Variants in RBM28 observed in about 807,000 individuals in gnomAD.
RBM28 encodes the protein RNA binding motif protein 28.
A neutral mutation model predicts 98.3 loss-of-function variants in RBM28; 78 were observed. That is an observed-to-expected ratio of 0.79 (90% CI 0.66 to 0.96). RBM28 has a LOEUF of 0.96. Ranked by LOEUF, RBM28 falls within the 40% of genes least tolerant of loss-of-function variation. RBM28 has a pLI of 0.00. For missense variants in RBM28, 838 were observed against 913.0 expected, an observed-to-expected ratio of 0.92 and a Z score of 1.06; for synonymous variants, 306 against 330.9, an observed-to-expected ratio of 0.92 and a Z score of 0.82.
chr7:128,329,888 C>CAAAAAAAAAAAAAAAAAAAAAAA (rs398006204), intron 10 of RBM28, among the ~76,000 whole-genome samples: 1 of 101,620 alleles, frequency 9.8e-6, no homozygotes, highest in African/African-American at 4.2e-5. Context: ...GACTCCGTCT[C>CAAAAAAAAAAAAAAAAAAAAAAA]AAAAAAAAAA....
In RBM28 at chr7:128,343,666, C is replaced by G. The variant is rs1466626809; in HGVS notation, c.118+10G>C. ...AACCCCAGCCCTATCCTCGACCGCC[C>G]CGCCCCTACCTTTTTCAGTCACCAC... On this transcript the variant is annotated intron_variant, in intron 1 of 18. Coordinates refer to ENST00000223073, the MANE Select transcript of RBM28 (RefSeq NM_018077.3). The G allele has an allele frequency of 6.3e-7, 1 of 1,599,536 alleles. No homozygotes were observed. Among genetic ancestry groups the G allele is most frequent in the East Asian group, 2.3e-5 (1 of 43,688 alleles).
Position 128,300,693 on chromosome 7 carries a change from G to C in RBM28, c.*10104C>G, listed in dbSNP as rs1381066672. The C allele has an allele frequency of 1.3e-5, 2 of 152,262 alleles. No individual in the cohort carries two copies. Among genetic ancestry groups the C allele is most frequent in the Non-Finnish European group, 2.9e-5 (2 of 68,066 alleles). The allele number at this position is 152,262 out of a possible 1,614,324, so 9.4% of individuals were successfully genotyped here. ...GGGCTGTTCCCTGAGAGCAAAATTG[G>C]CAAGTGGGTCTCACCTCCCATGCTG... On this transcript the variant is annotated 3_prime_UTR_variant, in exon 19 of 19. Coordinates refer to ENST00000223073, the MANE Select transcript of RBM28 (RefSeq NM_018077.3).
At chr7:128,317,931 A>C in intron 15 of RBM28, 26 bp downstream of exon 15, 1 of 1,613,582 alleles carries the variant, frequency 6.2e-7, no homozygotes. Flanking sequence ...CTAAGGGAAC[A>C]AGTCTCCCCA....
Position 128,343,872 on chromosome 7 carries a change from G to A in RBM28, c.-79C>T, listed in dbSNP as rs1796787178. 3 of 997,704 alleles carry A rather than the reference G, an allele frequency of 3.0e-6. No individual in the cohort carries two copies. In the South Asian group the frequency reaches 4.9e-5, roughly 16 times the overall value. 61.8% of individuals were successfully genotyped at this position (997,704 alleles called of 1,614,324 possible). On this transcript the variant is annotated 5_prime_UTR_variant, in exon 1 of 19. Coordinates refer to ENST00000223073, the MANE Select transcript of RBM28 (RefSeq NM_018077.3). ...GCGAGCCGAAACGCTGGCTTTGGTA[G>A]GACAACCAAGCTCACACGCCGAGAG...
intron 18 of RBM28, among the ~76,000 whole-genome samples, chr7:128,311,348 C>T: frequency 6.6e-6 from 1 of 152,172 alleles, no homozygotes; most frequent in East Asian, 1.9e-4. Context: ...TTCCCAGACA[C>T]AGATTTCTTG....
At position 128,343,895 on chromosome 7, in the gene RBM28, G is replaced by T. The variant is rs1020041704; in HGVS notation, c.-102C>A. The T allele has an allele frequency of 5.3e-6, 4 of 760,016 alleles. No individual in the cohort carries two copies. The highest frequency in any genetic ancestry group is 8.3e-6 in the Non-Finnish European group (4 of 484,366). The allele number at this position is 760,016 out of a possible 1,614,324, so 47.1% of individuals were successfully genotyped here. A position where few individuals can be genotyped will look rare whatever the true frequency, so the allele number is the denominator to read the frequency against. Reference sequence around the variant, plus strand: ...TAGGACAACCAAGCTCACACGCCGAGAGATTCCGGAAGTGCTCGTTGCCCA... The same window carrying T: ...TAGGACAACCAAGCTCACACGCCGATAGATTCCGGAAGTGCTCGTTGCCCA... On this transcript the variant is annotated 5_prime_UTR_variant, in exon 1 of 19. Coordinates refer to ENST00000223073, the MANE Select transcript of RBM28 (RefSeq NM_018077.3).
At chr7:128,339,149 TGA>T in intron 3 of RBM28, 76 bp downstream of exon 3, 1 of 1,237,886 alleles carries the variant, frequency 8.1e-7, no homozygotes, top group East Asian at 2.3e-5. Flanking sequence ...ACCATCTTGG[TGA>T]GGAGTTCTAC....
In RBM28 at chr7:128,314,790, G is replaced by T. The variant is rs566624063; in HGVS notation, c.2019C>A (p.Leu673=). The T allele has an allele frequency of 3.7e-5, 59 of 1,614,188 alleles. No individual in the cohort carries two copies. Among genetic ancestry groups the T allele is most frequent in the Non-Finnish European group, 4.8e-5 (57 of 1,180,042 alleles). ...DGKKRRKVLA[L]PSHRGPKIRL... is the part of the protein sequence containing the mutation. ...TGATTTTGGGGCCTCGGTGTGAGGG[G>T]AGCGCCAGGACCTTTCTTCTCTTCT... Residue 673 remains leucine, a synonymous_variant, in exon 17 of 19, where the codon CTC becomes CTA. Transcript: ENST00000223073.
At chr7:128,339,135 T>C in intron 3 of RBM28, 92 bp downstream of exon 3, 1 of 1,171,610 alleles carries the variant, frequency 8.5e-7, no homozygotes. Context: ...TTAAGCCCAA[T>C]TATACCATCT....
At chr7:128,325,502 C>T (rs889177218) in intron 11 of RBM28, among the ~76,000 whole-genome samples, 1 of 152,180 alleles carries the variant, frequency 6.6e-6, no homozygotes, top group East Asian at 1.9e-4. Flanking sequence ...ACCTTAATAC[C>T]TCATCCTAGT....
intron 13 of RBM28, among the ~76,000 whole-genome samples, chr7:128,322,399 A>C (rs1221385448): frequency 6.6e-6 from 1 of 152,256 alleles, no homozygotes; most frequent in Non-Finnish European, 1.5e-5. Flanking sequence ...AAGTTGGTAG[A>C]AAAAAGTTTT....
chr7:128,311,322 G>A (rs778940841), intron 18 of RBM28, among the ~76,000 whole-genome samples: 9 of 152,098 alleles, frequency 5.9e-5, no homozygotes, highest in South Asian at 4.1e-4. Flanking sequence ...ACTATAGTAC[G>A]GTATACGTCA....
At chr7:128,329,856 T>G (rs892184378) in intron 10 of RBM28, among the ~76,000 whole-genome samples, 1 of 123,322 alleles carries the variant, frequency 8.1e-6, no homozygotes, top group African/African-American at 3.2e-5. Context: ...GCCACTGCAC[T>G]CCAGCCTGGG....
chr7:128,315,854 C>G (rs979235174), intron 16 of RBM28, among the ~76,000 whole-genome samples: 4 of 152,108 alleles, frequency 2.6e-5, no homozygotes, highest in Non-Finnish European at 5.9e-5. Context: ...ATAATCTCTT[C>G]AGAGAGAAGA....
chr7:128,314,716 G>C, intron 17 of RBM28, 48 bp downstream of exon 17: 1 of 1,613,626 alleles, frequency 6.2e-7, no homozygotes, highest in Middle Eastern at 1.7e-4. Context: ...AAACAAACCC[G>C]CTTAGAACCC....
chr7:128,334,431 A>T (rs1796552267), intron 8 of RBM28, among the ~76,000 whole-genome samples: 1 of 152,194 alleles, frequency 6.6e-6, no homozygotes, highest in South Asian at 2.1e-4. Flanking sequence ...TTCAGTGTAG[A>T]AGCTTCTTTG....
In RBM28 at chr7:128,314,859, G is replaced by A. The variant is rs573636736; in HGVS notation, c.1950C>T (p.Phe650=). ...RKAGSTSWTG[F]QTKAEVEQVE... ...CCTGCTCCACTTCAGCCTTGGTCTG[G>A]AACCCGGTCCATGAGGTAGAGCCCG... Residue 650 remains phenylalanine (F), a synonymous_variant, in exon 17 of 19, where the codon TTC becomes TTT. Coordinates refer to ENST00000223073, the MANE Select transcript of RBM28 (RefSeq NM_018077.3). 42 of 1,614,136 alleles carry A rather than the reference G, an allele frequency of 2.6e-5. No individual in the cohort carries two copies. The East Asian group carries it at 8.7e-4, about 33-fold the overall frequency.
intron 7 of RBM28, 50 bp from the exon 8 acceptor site, chr7:128,335,729 T>C: frequency 6.2e-7 from 1 of 1,613,924 alleles, no homozygotes; most frequent in South Asian, 1.1e-5. Flanking sequence ...AGAGGGCCTA[T>C]TCAATTTCAT....
In RBM28 at chr7:128,333,300, C is replaced by G; in HGVS notation, c.1009G>C (p.Val337Leu). 2 of 1,596,624 alleles carry G rather than the reference C, an allele frequency of 1.3e-6. No individual in the cohort carries two copies. The highest frequency in any genetic ancestry group is 1.7e-6 in the Non-Finnish European group (2 of 1,164,098). Reference protein sequence around the residue: ...LPSDVNEGKTVFIRNLSFDSE... With the variant: ...LPSDVNEGKTLFIRNLSFDSE... The stretch of plus-strand genomic sequence containing the variant: ...GGCAGAAAGACATACCTGATAAAAA[C>G]AGTTTTCCCTTCATTCACATCAGAG... The change falls in exon 9 of 19, where the codon GTT becomes CTT. Residue 337 changes from valine (V) to leucine (L), a missense_variant. Val to Leu is a conservative substitution (Grantham distance 32, BLOSUM62 1). Transcript: ENST00000223073.
Sources: gnomAD v4.1 joint callset for allele counts (sites outside exome capture counted in the v4.1 genomes callset) on GRCh38, gnomAD v4.1.1 for gene constraint, MANE v1.5 for transcripts, NCBI Gene and HGNC (gene_info 2026-07-23, HGNC 2026-07-21) for gene names.